The following PLEKHG5 variants were observed in gnomAD, a reference collection of about 807,000 sequenced individuals.
The protein encoded by PLEKHG5 is pleckstrin homology and RhoGEF domain containing G5, also known as pleckstrin homology domain-containing family G member 5.
PLEKHG5 carries 52 observed loss-of-function variants against 103.8 expected under a neutral mutation model. That is an observed-to-expected ratio of 0.50 (90% CI 0.40 to 0.63). PLEKHG5 has a LOEUF of 0.63. Ranked by LOEUF, PLEKHG5 falls within the 30% of genes least tolerant of loss-of-function variation. The pLI, the probability that PLEKHG5 is intolerant of heterozygous loss-of-function variation, is 0.00. For synonymous variants in PLEKHG5, 592 were observed against 575.5 expected (o/e 1.03, Z -0.41); for missense variants, 1,205 against 1,347.6 (o/e 0.89, Z 1.66).
chr1:6,476,781 GT>G (rs1219627192), intron 2 of PLEKHG5, among the ~76,000 whole-genome samples: 2 of 152,090 alleles, frequency 1.3e-5, no homozygotes, highest in Admixed American at 1.3e-4. Context: ...TTAAGACAGG[GT>G]CTTGCTCTGT....
rs1644529735 is a variant in PLEKHG5, at chr1:6,470,372, T to G, written c.1681-17A>C. The G allele has an allele frequency of 1.2e-6, 2 of 1,613,774 alleles. No individual in the cohort carries two copies. Among genetic ancestry groups the G allele is most frequent in the African/African-American group, 2.7e-5 (2 of 74,972 alleles). On this transcript the variant is annotated splice_polypyrimidine_tract_variant and intron_variant, in intron 15 of 20. Transcript: ENST00000377728. ...CTTCAGGAGCTGGGGACGGATGGCG[T>G]GAACGTAGGGGAGGCCAGAGACTGA...
intron 1 of PLEKHG5, chr1:6,485,984 C>T: frequency 1.2e-6 from 1 of 817,924 alleles, no homozygotes; most frequent in Non-Finnish European, 1.5e-6. Flanking sequence ...GACACCCCCC[C>T]CCACCTTGGA....
chr1:6,469,058 G>C lies in PLEKHG5; in HGVS notation c.2233C>G (p.Pro745Ala). 6.2e-7 allele frequency: 1 copy of C among 1,613,454 alleles called. No homozygotes were observed. Among genetic ancestry groups the C allele is most frequent in the Non-Finnish European group, 8.5e-7 (1 of 1,179,920 alleles). ...PTIMRKSSGS[P>A]DSQHCASDGS... The stretch of plus-strand genomic sequence containing the variant: ...CAGACGTACCAGTGCTGAGAGTCGG[G>C]GCTGCCGCTGCTTTTCCGCATGATG... The change falls in exon 19 of 21, where the codon CCC becomes GCC. Residue 745 changes from proline to alanine, a missense_variant. Pro to Ala is a conservative substitution (Grantham distance 27). Transcript: ENST00000377728.
intron 1 of PLEKHG5, among the ~76,000 whole-genome samples, chr1:6,517,571 C>G (rs1187559481): frequency 6.6e-6 from 1 of 152,104 alleles, no homozygotes; most frequent in Non-Finnish European, 1.5e-5. Context: ...CTCTATATTC[C>G]CTGAATACTA....
In PLEKHG5 at chr1:6,491,378, C is replaced by T. The variant is rs983274475; in HGVS notation, c.-88+259G>A. Among the ~76,000 whole-genome samples the T allele has an allele frequency of 3.7e-4, 57 of 152,196 alleles. No individual in the cohort carries two copies. Among genetic ancestry groups the T allele is most frequent in the African/African-American group, 1.2e-3 (51 of 41,452 alleles). The stretch of plus-strand genomic sequence containing the variant: ...TGGGGCTGGGCCTATACTAGGGCAG[C>T]TCCTGGCTGGGCCAGGGATCCCCAC... On this transcript the variant is annotated intron_variant, in intron 1 of 20. Transcript: ENST00000377728. The surrounding 1 kb of genome is among the most constrained non-coding windows in gnomAD (Gnocchi z 4.1).
At position 6,474,073 on chromosome 1, in the gene PLEKHG5, G is replaced by C; in HGVS notation, c.531C>G (p.Thr177=). ...CCACACGCTCCAGGGCGGGGGGCCCGGTCCCAGCTGGCCGCAGAATCGGCA... is the reference window on the plus strand; with the variant it reads ...CCACACGCTCCAGGGCGGGGGGCCCCGTCCCAGCTGGCCGCAGAATCGGCA... ...LSLPILRPAG[T]GPPALERVDA... Residue 177 remains threonine (T), a synonymous_variant, in exon 7 of 21, where the codon ACC becomes ACG. Transcript: ENST00000377728. The C allele has an allele frequency of 3.1e-6, 5 of 1,590,958 alleles. No individual in the cohort carries two copies. The highest frequency in any genetic ancestry group is 4.3e-6 in the Non-Finnish European group (5 of 1,166,138).
At chr1:6,504,820 C>T (rs142312499) in intron 1 of PLEKHG5, among the ~76,000 whole-genome samples, 110 of 152,322 alleles carry the variant, frequency 7.2e-4, no homozygotes, top group Admixed American at 1.8e-3. Flanking sequence ...CCGCCTGCCT[C>T]GGCCTCCCAA....
chr1:6,498,057 T>C (rs1645253874), upstream of PLEKHG5, among the ~76,000 whole-genome samples: 2 of 149,974 alleles, frequency 1.3e-5, no homozygotes, highest in Non-Finnish European at 1.5e-5. Context: ...TCGATTCGTC[T>C]GCCCGGTCCT....
intron 1 of PLEKHG5, among the ~76,000 whole-genome samples, chr1:6,518,558 C>T (rs11122041): frequency 0.96 from 134,406 of 139,776 alleles, 64,668 homozygotes; most frequent in Non-Finnish European, 0.99. Context: ...AAACTCCATC[C>T]CAAAAAAAAA....
upstream of PLEKHG5, among the ~76,000 whole-genome samples, chr1:6,496,173 C>T (rs1352856320): frequency 6.6e-6 from 1 of 152,238 alleles, no homozygotes; most frequent in African/African-American, 2.4e-5. Flanking sequence ...CTGGCTAAGC[C>T]TCAGTTTCCT....
In PLEKHG5 at chr1:6,467,261, G is replaced by A; in HGVS notation, c.*302C>T. The A allele has an allele frequency of 3.6e-6, 2 of 555,102 alleles. No individual in the cohort carries two copies. The highest frequency in any genetic ancestry group is 2.0e-5 in the South Asian group (1 of 50,456). 34.4% of individuals were successfully genotyped at this position (555,102 alleles called of 1,614,324 possible). A position where few individuals can be genotyped will look rare whatever the true frequency, so the allele number is the denominator to read the frequency against. On this transcript the variant is annotated 3_prime_UTR_variant, in exon 21 of 21. Transcript: ENST00000377728. The stretch of plus-strand genomic sequence containing the variant: ...GGAGTGAATCCCACTGGAGGCCAGT[G>A]AGGGTAGAAGTAGGATGGGCAGCCT...
At chr1:6,508,268 G>T (rs533688087) in intron 1 of PLEKHG5, among the ~76,000 whole-genome samples, 22 of 152,296 alleles carry the variant, frequency 1.4e-4, no homozygotes, top group African/African-American at 4.8e-4. Context: ...AGAGGAGGAG[G>T]CCGGGCTCCA....
intron 1 of PLEKHG5, among the ~76,000 whole-genome samples, chr1:6,503,630 G>A (rs530183448): frequency 1.4e-4 from 22 of 152,240 alleles, no homozygotes; most frequent in Admixed American, 2.6e-4. Context: ...GGTTGGTCTT[G>A]AAGTCCTGAC....
intron 1 of PLEKHG5, among the ~76,000 whole-genome samples, chr1:6,511,872 G>C (rs1638481994): frequency 6.6e-6 from 1 of 152,226 alleles, no homozygotes; most frequent in Non-Finnish European, 1.5e-5. Context: ...GAAGCCCAGG[G>C]CCGGGCAGGG....
Position 6,467,591 on chromosome 1 carries a change from AC to A in PLEKHG5, c.3012-20del. The A allele has an allele frequency of 6.2e-7, 1 of 1,612,316 alleles. No individual in the cohort carries two copies. The highest frequency in any genetic ancestry group is 8.5e-7 in the Non-Finnish European group (1 of 1,178,998). On this transcript the variant is annotated intron_variant, in intron 20 of 20. Coordinates refer to ENST00000377728, the MANE Select transcript of PLEKHG5 (RefSeq NM_020631.6). ...GACCTCCCTACAGGGTGGGGAGGGGACAGAGTCCTTCTTTGGCTGACGCCAT... is the reference window on the plus strand; with the variant it reads ...GACCTCCCTACAGGGTGGGGAGGGGAAGAGTCCTTCTTTGGCTGACGCCAT...
At chr1:6,477,224 G>A (rs1644785579) in intron 2 of PLEKHG5, among the ~76,000 whole-genome samples, 1 of 152,224 alleles carries the variant, frequency 6.6e-6, no homozygotes, top group African/African-American at 2.4e-5. Context: ...CCTGAGGATA[G>A]GCAGAACTAG....
intron 2 of PLEKHG5, 82 bp downstream of exon 2, chr1:6,477,447 C>T (rs903380980): frequency 2.6e-5 from 36 of 1,383,208 alleles, no homozygotes; most frequent in Admixed American, 2.2e-4. Context: ...GTCCTTATGA[C>T]GCCCTAGCAC....
intron 1 of PLEKHG5, among the ~76,000 whole-genome samples, chr1:6,513,994 G>T (rs5028814): frequency 0.035 from 5,294 of 152,236 alleles, 247 homozygotes; most frequent in African/African-American, 0.11. Flanking sequence ...GCCTGGAGGG[G>T]TTCTGCCTGG....
chr1:6,499,461 C>T (rs1322990923), upstream of PLEKHG5, among the ~76,000 whole-genome samples: 2 of 152,222 alleles, frequency 1.3e-5, no homozygotes, highest in Admixed American at 1.3e-4. Context: ...CTCCTGATCC[C>T]CTGGTCCTGG....
Sources: allele counts gnomAD v4.1 joint callset (sites outside exome capture counted in the v4.1 genomes callset), GRCh38; gene constraint gnomAD v4.1.1; non-coding constraint Gnocchi (gnomAD v3.1); transcripts MANE v1.5; gene names NCBI Gene and HGNC (gene_info 2026-07-23, HGNC 2026-07-21).